Variants in TCF7L1 observed in about 807,000 individuals in gnomAD.
TCF7L1 encodes the protein transcription factor 7-like 1.
Under a neutral mutation model 63.7 loss-of-function variants are expected in TCF7L1, and 18 were observed. The observed-to-expected ratio is 0.28, with a 90% CI of 0.20 to 0.42. TCF7L1 has a LOEUF of 0.42. Among genes scored for constraint, TCF7L1 ranks in the 10% least tolerant of loss-of-function variants. The pLI, the probability that TCF7L1 is intolerant of heterozygous loss-of-function variation, is 1.00. For missense variants in TCF7L1, 654 were observed against 779.3 expected, an observed-to-expected ratio of 0.84 and a Z score of 1.91; for synonymous variants, 355 against 340.9, an observed-to-expected ratio of 1.04 and a Z score of -0.46.
At chr2:85,297,753 C>G (rs10178604) in intron 4 of TCF7L1, among the ~76,000 whole-genome samples, 12 of 151,468 alleles carry the variant, frequency 7.9e-5, no homozygotes, top group African/African-American at 2.9e-4. Context: ...CCACTACACT[C>G]CAGCCTGGGG....
intron 3 of TCF7L1, among the ~76,000 whole-genome samples, chr2:85,204,186 G>A (rs1679340226): frequency 6.7e-6 from 1 of 149,058 alleles, no homozygotes; most frequent in Non-Finnish European, 1.5e-5. Context: ...TTTGGTGTGT[G>A]TTCTTCCTGG....
chr2:85,252,564 G>A (rs375674815), intron 3 of TCF7L1, among the ~76,000 whole-genome samples: 20 of 152,316 alleles, frequency 1.3e-4, no homozygotes, highest in African/African-American at 4.8e-4. Context: ...CAGGAGAGTA[G>A]CAAAGCCAAG....
intron 3 of TCF7L1, among the ~76,000 whole-genome samples, chr2:85,217,937 A>T (rs1183349204): frequency 6.6e-6 from 1 of 152,172 alleles, no homozygotes; most frequent in Non-Finnish European, 1.5e-5. Context: ...TTGTACTAGC[A>T]TTAAATTAGG....
At chr2:85,227,597 T>C (rs992519749) in intron 3 of TCF7L1, among the ~76,000 whole-genome samples, 1 of 152,200 alleles carries the variant, frequency 6.6e-6, no homozygotes, top group Non-Finnish European at 1.5e-5. Context: ...TTAGCTTTAG[T>C]TAAAAACTTG....
chr2:85,279,249 T>C (rs1207542161), intron 3 of TCF7L1, among the ~76,000 whole-genome samples: 1 of 152,180 alleles, frequency 6.6e-6, no homozygotes, highest in Non-Finnish European at 1.5e-5. Flanking sequence ...ATCGTGGGGT[T>C]GGCCTTACAG....
chr2:85,220,393 T>C (rs115746180), intron 3 of TCF7L1, among the ~76,000 whole-genome samples: 7,550 of 152,106 alleles, frequency 0.05, 209 homozygotes, highest in African/African-American at 0.055. Flanking sequence ...TTTTTTGAGA[T>C]GGAGTCTCAC....
intron 3 of TCF7L1, chr2:85,167,449 C>G (rs13398222): frequency 0.12 from 18,023 of 152,246 alleles, 1,237 homozygotes; most frequent in African/African-American, 0.18. Context: ...ATCTGTACCC[C>G]CACATTCACT....
At chr2:85,144,314 C>T (rs1677812886) in intron 3 of TCF7L1, among the ~76,000 whole-genome samples, 1 of 151,550 alleles carries the variant, frequency 6.6e-6, no homozygotes. Flanking sequence ...CATGTGGTAG[C>T]TCACGCCTGT....
At chr2:85,290,820 C>G (rs1361784649) in intron 4 of TCF7L1, among the ~76,000 whole-genome samples, 1 of 152,162 alleles carries the variant, frequency 6.6e-6, no homozygotes, top group Non-Finnish European at 1.5e-5. Context: ...AGTCTGCTAG[C>G]AGAGTTCTAT....
At chr2:85,269,724 G>A (rs1002296038) in intron 3 of TCF7L1, among the ~76,000 whole-genome samples, 3 of 152,162 alleles carry the variant, frequency 2.0e-5, no homozygotes, top group Admixed American at 1.3e-4. Context: ...ATTGAGATGG[G>A]AACTTCTCAG....
chr2:85,177,182 A>G (rs1257860532), intron 3 of TCF7L1, among the ~76,000 whole-genome samples: 1 of 151,934 alleles, frequency 6.6e-6, no homozygotes, highest in Non-Finnish European at 1.5e-5. Context: ...GTGGAAAGAG[A>G]ACAAGCCAGC....
In TCF7L1 at chr2:85,309,708, T is replaced by C; in HGVS notation, c.*246T>C. 2 of 428,808 alleles carry C rather than the reference T, an allele frequency of 4.7e-6. No individual in the cohort carries two copies. Among genetic ancestry groups the C allele is most frequent in the East Asian group, 3.6e-5 (1 of 27,806 alleles). The allele number at this position is 428,808 out of a possible 1,614,324, so 26.6% of individuals were successfully genotyped here. ...GAAAGAGAACTGAAAAGTAGCGTGC[T>C]ATTCGTCCTGTAGGTGCTGTGGTGG... is the stretch of plus-strand genomic sequence containing the variant. On this transcript the variant is annotated 3_prime_UTR_variant, in exon 12 of 12. Transcript: ENST00000282111.
chr2:85,142,183 T>G (rs1176751108), intron 3 of TCF7L1, among the ~76,000 whole-genome samples: 1 of 152,046 alleles, frequency 6.6e-6, no homozygotes, highest in African/African-American at 2.4e-5. Context: ...TCCCAACACT[T>G]TGGGAGGCCA....
intron 3 of TCF7L1, among the ~76,000 whole-genome samples, chr2:85,266,027 CT>C (rs1367902448): frequency 2.0e-5 from 3 of 151,992 alleles, no homozygotes; most frequent in Non-Finnish European, 2.9e-5. Context: ...CATGTTTTTT[CT>C]TTTTTTAAGC....
intron 3 of TCF7L1, among the ~76,000 whole-genome samples, chr2:85,258,785 A>C (rs1342551975): frequency 6.6e-6 from 1 of 152,206 alleles, no homozygotes; most frequent in Non-Finnish European, 1.5e-5. Context: ...TTCCTTCCCC[A>C]GTGGGTGACC....
At chr2:85,303,348 T>C (rs1240574001) in intron 5 of TCF7L1, 5 of 152,342 alleles carry the variant, frequency 3.3e-5, no homozygotes, top group African/African-American at 1.2e-4. Context: ...TTTTCTTTTT[T>C]TTTTTTTTAA....
chr2:85,229,072 C>T (rs962674548), intron 3 of TCF7L1, among the ~76,000 whole-genome samples: 2 of 149,606 alleles, frequency 1.3e-5, no homozygotes, highest in Non-Finnish European at 3.0e-5. Flanking sequence ...TTGGGCCAGG[C>T]GCGGTGGCTC....
intron 3 of TCF7L1, chr2:85,232,885 CAG>C (rs1478459694): frequency 6.6e-6 from 1 of 152,168 alleles, no homozygotes; most frequent in Non-Finnish European, 1.5e-5. Context: ...GGTGTAACTT[CAG>C]AGAACAAAGG....
chr2:85,295,210 T>G (rs1681813603), intron 4 of TCF7L1, among the ~76,000 whole-genome samples: 1 of 152,190 alleles, frequency 6.6e-6, no homozygotes, highest in South Asian at 2.1e-4. Flanking sequence ...TTGCTTTGTT[T>G]TGTTTTTTGA....
Sources: gnomAD v4.1 joint callset for allele counts (sites outside exome capture counted in the v4.1 genomes callset) on GRCh38, gnomAD v4.1.1 for gene constraint, MANE v1.5 for transcripts, NCBI Gene and HGNC (gene_info 2026-07-23, HGNC 2026-07-21) for gene names.